The following XYLT1 variants were observed in gnomAD, a reference collection of about 807,000 sequenced individuals.
The protein encoded by XYLT1 is xylosyltransferase 1, also known as beta-D-xylosyltransferase 1.
Under a neutral mutation model 91.3 loss-of-function variants are expected in XYLT1, and 36 were observed. That is an observed-to-expected ratio of 0.39 (90% CI 0.30 to 0.52). The LOEUF is 0.52. XYLT1 is among the 20% of genes least tolerant of loss of function. XYLT1 has a pLI of 0.68. For missense variants in XYLT1, 1,242 were observed against 1,284.5 expected, an observed-to-expected ratio of 0.97 and a Z score of 0.51; for synonymous variants, 588 against 532.0, an observed-to-expected ratio of 1.11 and a Z score of -1.45.
rs2033682937 is a variant in XYLT1, at chr16:17,259,225, T to G, written c.676A>C (p.Asn226His). The part of the protein sequence containing the change: ...VLPPGDRAAA[N>H]SSHGKDVSRP... Reference sequence around the variant, plus strand: ...GACACATCCTTCCCGTGGCTGCTGTTGGCTGCGGCTCTGTCCCCGGGAGGC... The same window carrying G: ...GACACATCCTTCCCGTGGCTGCTGTGGGCTGCGGCTCTGTCCCCGGGAGGC... The change falls in exon 3 of 12, where the codon AAC becomes CAC. Residue 226 changes from asparagine (N) to histidine (H), a missense_variant. Physicochemically the swap from Asn to His is moderately conservative, Grantham distance 68. Around this residue, in one of 3 missense-constraint regions of XYLT1, gnomAD observed 437 missense variants for 411.5 expected, o/e 1.06. Coordinates refer to ENST00000261381, the MANE Select transcript of XYLT1 (RefSeq NM_022166.4). 6.2e-7 allele frequency: 1 copy of G among 1,613,922 alleles called. No individual in the cohort carries two copies. Among genetic ancestry groups the G allele is most frequent in the Non-Finnish European group, 8.5e-7 (1 of 1,179,986 alleles).
At chr16:17,233,226 C>T (rs139196567) in intron 3 of XYLT1, among the ~76,000 whole-genome samples, 2 of 152,314 alleles carry the variant, frequency 1.3e-5, no homozygotes, top group Non-Finnish European at 2.9e-5. Flanking sequence ...TTCAAGGAGA[C>T]CTCAAGGCAA....
chr16:17,384,028 A>T (rs1444985943), intron 1 of XYLT1, among the ~76,000 whole-genome samples: 1 of 151,860 alleles, frequency 6.6e-6, no homozygotes, highest in Non-Finnish European at 1.5e-5. Flanking sequence ...GATTATAGGC[A>T]TGAGCCACCG....
intron 1 of XYLT1, among the ~76,000 whole-genome samples, chr16:17,385,930 C>T (rs1377300027): frequency 6.6e-6 from 1 of 152,158 alleles, no homozygotes; most frequent in Non-Finnish European, 1.5e-5. Context: ...ACAGCACTAA[C>T]AATAGCACCT....
At chr16:17,309,070 C>T (rs186908898) in intron 2 of XYLT1, among the ~76,000 whole-genome samples, 3 of 152,266 alleles carry the variant, frequency 2.0e-5, no homozygotes, top group East Asian at 1.9e-4. Context: ...GAAAGATATG[C>T]GCCTAATGCA....
chr16:17,309,881 G>A (rs6498679), intron 2 of XYLT1, among the ~76,000 whole-genome samples: 94,198 of 151,990 alleles, frequency 0.62, 30,054 homozygotes, highest in African/African-American at 0.77. Context: ...GGTGGATGGT[G>A]AGAAAGGCTA....
chr16:17,328,788 C>T (rs1414271247), intron 2 of XYLT1, among the ~76,000 whole-genome samples: 1 of 152,032 alleles, frequency 6.6e-6, no homozygotes, highest in African/African-American at 2.4e-5. Context: ...GAAGGCTTCA[C>T]ACACATTCAG....
chr16:17,427,970 G>C (rs2036339791), intron 1 of XYLT1, among the ~76,000 whole-genome samples: 1 of 152,028 alleles, frequency 6.6e-6, no homozygotes, highest in Admixed American at 6.5e-5. Context: ...CTACCGGAGA[G>C]GCGGGGGTTT....
intron 9 of XYLT1, among the ~76,000 whole-genome samples, chr16:17,129,084 A>C (rs928215208): frequency 4.7e-5 from 7 of 149,312 alleles, no homozygotes; most frequent in African/African-American, 1.8e-4. Context: ...AAAAAAAAAA[A>C]AAAAAAAAAA....
intron 1 of XYLT1, among the ~76,000 whole-genome samples, chr16:17,453,579 G>T (rs190103886): frequency 6.6e-6 from 1 of 152,164 alleles, no homozygotes; most frequent in Non-Finnish European, 1.5e-5. Context: ...CAGCACCTCC[G>T]GGGAAGTCTC....
At chr16:17,206,109 T>C (rs1413107344) in intron 3 of XYLT1, among the ~76,000 whole-genome samples, 1 of 151,832 alleles carries the variant, frequency 6.6e-6, no homozygotes, top group Non-Finnish European at 1.5e-5. Flanking sequence ...CCCTCTCTGA[T>C]TGTCAGTTCT....
At chr16:17,373,959 A>C (rs2035566620) in intron 1 of XYLT1, among the ~76,000 whole-genome samples, 1 of 152,230 alleles carries the variant, frequency 6.6e-6, no homozygotes, top group South Asian at 2.1e-4. Flanking sequence ...AACTGATTGC[A>C]AAATTGGTGA....
chr16:17,169,818 A>G (rs1188893351), intron 5 of XYLT1, among the ~76,000 whole-genome samples: 6 of 152,226 alleles, frequency 3.9e-5, no homozygotes, highest in South Asian at 2.1e-4. Context: ...CTGCATTCCC[A>G]TACAATGATT....
At chr16:17,160,379 T>C (rs1424308788) in intron 5 of XYLT1, among the ~76,000 whole-genome samples, 1 of 152,160 alleles carries the variant, frequency 6.6e-6, no homozygotes, top group African/African-American at 2.4e-5. Flanking sequence ...CCCTCCTTCA[T>C]TTCCCTGCGC....
intron 3 of XYLT1, among the ~76,000 whole-genome samples, chr16:17,248,684 G>A (rs920442487): frequency 1.3e-5 from 2 of 151,090 alleles, no homozygotes; most frequent in Non-Finnish European, 2.9e-5. Flanking sequence ...TCATCTCTTA[G>A]CTCAACTATA....
intron 1 of XYLT1, among the ~76,000 whole-genome samples, chr16:17,421,164 A>G (rs1414151427): frequency 6.6e-6 from 1 of 152,196 alleles, no homozygotes; most frequent in African/African-American, 2.4e-5. Flanking sequence ...ACTCAGACAT[A>G]TATTTCGATC....
In XYLT1 at chr16:17,108,689, C is replaced by G; in HGVS notation, c.*6G>C. 2 of 1,558,936 alleles carry G rather than the reference C, an allele frequency of 1.3e-6. No individual in the cohort carries two copies. The highest frequency in any genetic ancestry group is 2.7e-5 in the African/African-American group (2 of 74,458). ...TCCTGCTGTGGCCCACTCCTCGTGC[C>G]CAGTGCTACCTGAGCCGGCCATCAG... is the stretch of plus-strand genomic sequence containing the variant. On this transcript the variant is annotated 3_prime_UTR_variant, in exon 12 of 12. Coordinates refer to ENST00000261381, the MANE Select transcript of XYLT1 (RefSeq NM_022166.4).
chr16:17,432,453 G>A (rs761086011), intron 1 of XYLT1, among the ~76,000 whole-genome samples: 7 of 152,130 alleles, frequency 4.6e-5, no homozygotes, highest in Non-Finnish European at 1.0e-4. Flanking sequence ...ACCACATACT[G>A]CATGCTTCCA....
intron 3 of XYLT1, among the ~76,000 whole-genome samples, chr16:17,224,872 G>A (rs554534821): frequency 1.3e-5 from 2 of 152,220 alleles, no homozygotes; most frequent in East Asian, 3.9e-4. Context: ...AACACTTTGG[G>A]CTTTGTGGGC....
At position 17,158,897 on chromosome 16, in the gene XYLT1, C is replaced by A. The variant is rs142990300; in HGVS notation, c.1302G>T (p.Gln434His). Residue 434 changes from glutamine (Q) to histidine (H), a missense_variant, in exon 6 of 12, where the codon CAG (glutamine) becomes CAT (histidine). Physicochemically the swap from Gln to His is conservative, Grantham distance 24 (BLOSUM62 0). Transcript: ENST00000261381. ...GGTATCGGGAGAGAAACGCCACCAA[C>A]TGGTCATTTGTCCTGTGGAAACAAA... ...AADYPIRTND[Q>H]LVAFLSRYRD... The A allele has an allele frequency of 2.3e-5, 37 of 1,614,022 alleles. No homozygotes were observed. The highest frequency in any genetic ancestry group is 3.1e-5 in the Non-Finnish European group (36 of 1,180,024).
Sources: allele counts gnomAD v4.1 joint callset (sites outside exome capture counted in the v4.1 genomes callset), GRCh38; gene constraint gnomAD v4.1.1; regional missense constraint gnomAD v4.1.1; transcripts MANE v1.5; gene names NCBI Gene and HGNC (gene_info 2026-07-23, HGNC 2026-07-21).